OR7D2: variants seen among roughly 807,000 people sequenced by gnomAD.
OR7D2 encodes the protein olfactory receptor family 7 subfamily D member 2, also known as olfactory receptor 7D2.
For synonymous variants in OR7D2, 158 were observed against 158.7 expected (o/e 1.00, Z 0.03); for missense variants, 370 against 384.1 (o/e 0.96, Z 0.31).
Position 9,188,053 on chromosome 19 carries a change from G to T in OR7D2, c.*1333G>T. The T allele has an allele frequency of 6.1e-6, 1 of 163,906 alleles. No individual in the cohort carries two copies. 10.2% of individuals were successfully genotyped at this position (163,906 alleles called of 1,614,324 possible). ...TTCCTTTGGGTAGATACCCAGTAGT[G>T]GAACTGCTGGACTGAAAGGTAGTTC... On this transcript the variant is annotated 3_prime_UTR_variant, in exon 3 of 3. Transcript: ENST00000641288.
chr19:9,185,092 C>T (rs967236961), intron 2 of OR7D2, among the ~76,000 whole-genome samples: 6 of 152,008 alleles, frequency 3.9e-5, no homozygotes, highest in East Asian at 1.9e-4. Flanking sequence ...ATAGGATAAA[C>T]GAGTCTAGAG....
In OR7D2 at chr19:9,186,311, T is replaced by G. The variant is rs1455250842; in HGVS notation, c.530T>G (p.Phe177Cys). 1 of 1,614,008 alleles carries G rather than the reference T, an allele frequency of 6.2e-7. No homozygotes were observed. The highest frequency in any genetic ancestry group is 1.3e-5 in the African/African-American group (1 of 74,928). Residue 177 changes from phenylalanine (F) to cysteine (C), a missense_variant, in exon 3 of 3, where the codon TTT (phenylalanine) becomes TGT (cysteine). Transcript: ENST00000641288. ...TGTAAAGATTTTGAAATTCCACATT[T>G]TTTCTGCGAACTGACGTACATCCTC... ...IFCKDFEIPH[F>C]FCELTYILQL... is the part of the protein sequence containing the mutation.
At chr19:9,181,311 T>C (rs1370244420) in intron 2 of OR7D2, among the ~76,000 whole-genome samples, 1 of 150,984 alleles carries the variant, frequency 6.6e-6, no homozygotes, top group Non-Finnish European at 1.5e-5. Flanking sequence ...TTATATTTTA[T>C]TTTTTTATTT....
In OR7D2 at chr19:9,186,731, G is replaced by T; in HGVS notation, c.*11G>T. ...GCCTCTTGTTTGTGATGGATCCCTT[G>T]GCCCCAGGACTAAGAAGTTTTGTGA... On this transcript the variant is annotated 3_prime_UTR_variant, in exon 3 of 3. Coordinates refer to ENST00000641288, the MANE Select transcript of OR7D2 (RefSeq NM_175883.4). The T allele has an allele frequency of 6.4e-7, 1 of 1,568,232 alleles. No individual in the cohort carries two copies. The highest frequency in any genetic ancestry group is 8.6e-7 in the Non-Finnish European group (1 of 1,158,148).
At position 9,178,985 on chromosome 19, in the gene OR7D2, T is replaced by C. The variant is rs2050972204; in HGVS notation, c.-243T>C. 6.6e-6 allele frequency: 1 copy of C among 152,264 alleles called. No individual in the cohort carries two copies. The highest frequency in any genetic ancestry group is 2.1e-4 in the South Asian group (1 of 4,828). 9.4% of individuals were successfully genotyped at this position (152,264 alleles called of 1,614,324 possible). ...CCTGGACAGTTTCCTGACGCCACACTCATGCATCTTAGAGAGGAGAGTTAG... is the reference window on the plus strand; with the variant it reads ...CCTGGACAGTTTCCTGACGCCACACCCATGCATCTTAGAGAGGAGAGTTAG... On this transcript the variant is annotated 5_prime_UTR_variant, in exon 1 of 3. Transcript: ENST00000641288.
In OR7D2 at chr19:9,186,096, G is replaced by GT. The variant is rs771661883; in HGVS notation, c.321dup (p.Pro108SerfsTer14). 1.9e-6 allele frequency: 3 copies of GT among 1,614,044 alleles called. No homozygotes were observed. The Admixed American group carries it at 5.0e-5, about 27-fold the overall frequency. ...GCCTCACACAGGTCTATTTCTCCATGTTTTTTCCTATTCTGGACACGCTAC... is the reference window on the plus strand; with the variant it reads ...GCCTCACACAGGTCTATTTCTCCATGTTTTTTTCCTATTCTGGACACGCTAC... On this transcript the variant is annotated frameshift_variant, in exon 3 of 3. Transcript: ENST00000641288. LOFTEE classifies it low-confidence loss of function (END_TRUNC).
intron 2 of OR7D2, among the ~76,000 whole-genome samples, chr19:9,183,450 T>A (rs1335511807): frequency 6.6e-6 from 1 of 152,044 alleles, no homozygotes; most frequent in Non-Finnish European, 1.5e-5. Context: ...TAATTTGGTT[T>A]ATTTTTTTGT....
In OR7D2 at chr19:9,186,889, G is replaced by A. The variant is rs76235023; in HGVS notation, c.*169G>A. Reference sequence around the variant, plus strand: ...TAAGGGTGAAGTCTGAGCTTTTGGCGTACCAATTACCTGAATAGTGAACAT... The same window carrying A: ...TAAGGGTGAAGTCTGAGCTTTTGGCATACCAATTACCTGAATAGTGAACAT... On this transcript the variant is annotated 3_prime_UTR_variant, in exon 3 of 3. Coordinates refer to ENST00000641288, the MANE Select transcript of OR7D2 (RefSeq NM_175883.4). The A allele has an allele frequency of 1.5e-4, 82 of 544,772 alleles. No individual in the cohort carries two copies. In the South Asian group the frequency reaches 2.2e-3, roughly 15 times the overall value. 33.7% of individuals were successfully genotyped at this position (544,772 alleles called of 1,614,324 possible). A position where few individuals can be genotyped will look rare whatever the true frequency, so the allele number is the denominator to read the frequency against.
intron 2 of OR7D2, among the ~76,000 whole-genome samples, chr19:9,183,640 AACTAACTATTC>A (rs1362145907): frequency 1.3e-5 from 2 of 151,862 alleles, no homozygotes; most frequent in Admixed American, 1.3e-4. Context: ...GCTAACTATT[AACTAACTATTC>A]ACTATTATTA....
rs867979852 is a variant in OR7D2, at chr19:9,186,304, C to T, written c.523C>T (p.Pro175Ser). The change falls in exon 3 of 3, where the codon CCA becomes TCA. Residue 175 changes from proline to serine, a missense_variant. Transcript: ENST00000641288. ...HLIFCKDFEI[P>S]HFFCELTYIL... is the part of the protein sequence containing the mutation. ...AATCTTCTGTAAAGATTTTGAAATT[C>T]CACATTTTTTCTGCGAACTGACGTA... 1 of 1,614,064 alleles carries T rather than the reference C, an allele frequency of 6.2e-7. No homozygotes were observed. Among genetic ancestry groups the T allele is most frequent in the South Asian group, 1.1e-5 (1 of 91,076 alleles).
chr19:9,185,970 C>G lies in OR7D2; in HGVS notation c.189C>G (p.Leu63=). 1 of 1,614,184 alleles carries G rather than the reference C, an allele frequency of 6.2e-7. No individual in the cohort carries two copies. The highest frequency in any genetic ancestry group is 8.5e-7 in the Non-Finnish European group (1 of 1,180,022). The change falls in exon 3 of 3, where the codon CTC becomes CTG. Residue 63 remains leucine (L), a synonymous_variant. Coordinates refer to ENST00000641288, the MANE Select transcript of OR7D2 (RefSeq NM_175883.4). ...TCCACACCCCCATGTACTTCTTCCT[C>G]TCCAACCTGTCCTGGGTTGACATCT... ...SHLHTPMYFF[L]SNLSWVDICF... is the part of the protein sequence containing the mutation.
At chr19:9,185,325 A>C (rs1172623879) in intron 2 of OR7D2, among the ~76,000 whole-genome samples, 1 of 151,812 alleles carries the variant, frequency 6.6e-6, no homozygotes, top group Non-Finnish European at 1.5e-5. Context: ...TAATTTTTAA[A>C]TAATTAAATA....
chr19:9,183,955 C>CAAAAAAAAAAA (rs755935536), intron 2 of OR7D2, among the ~76,000 whole-genome samples: 3 of 19,494 alleles, frequency 1.5e-4, no homozygotes, highest in East Asian at 1.6e-3. Flanking sequence ...GACTCCGTCT[C>CAAAAAAAAAAA]AAAAAAAAAA....
In OR7D2 at chr19:9,185,953, C is replaced by T. The variant is rs773555540; in HGVS notation, c.172C>T (p.Pro58Ser). Residue 58 changes from proline (P) to serine (S), a missense_variant, in exon 3 of 3, where the codon CCC becomes TCC. Physicochemically the swap from Pro to Ser is moderately conservative, Grantham distance 74 (BLOSUM62 -1). Transcript: ENST00000641288. ...AISSDSHLHT[P>S]MYFFLSNLSW... ...CAGCTCTGACTCCCACCTCCACACC[C>T]CCATGTACTTCTTCCTCTCCAACCT... The T allele has an allele frequency of 6.8e-6, 11 of 1,614,160 alleles. No individual in the cohort carries two copies. In the South Asian group the frequency reaches 9.9e-5, roughly 14 times the overall value.
rs1271092343 is a variant in OR7D2, at chr19:9,188,025, T to C, written c.*1305T>C. 1.2e-5 allele frequency: 2 copies of C among 166,118 alleles called. No individual in the cohort carries two copies. Among genetic ancestry groups the C allele is most frequent in the African/African-American group, 4.8e-5 (2 of 41,442 alleles). The allele number at this position is 166,118 out of a possible 1,614,324, so 10.3% of individuals were successfully genotyped here. A position where few individuals can be genotyped will look rare whatever the true frequency, so the allele number is the denominator to read the frequency against. On this transcript the variant is annotated 3_prime_UTR_variant, in exon 3 of 3. Transcript: ENST00000641288. ...ATGTGTCTTTTTCACATAATGACTT[T>C]GTTTCCTTTGGGTAGATACCCAGTA... is the stretch of plus-strand genomic sequence containing the variant.
rs766453164 is a variant in OR7D2, at chr19:9,185,956, A to C, written c.175A>C (p.Met59Leu). The change falls in exon 3 of 3, where the codon ATG becomes CTG. Residue 59 changes from methionine to leucine, a missense_variant. Physicochemically the swap from Met to Leu is conservative, Grantham distance 15 (BLOSUM62 2). Coordinates refer to ENST00000641288, the MANE Select transcript of OR7D2 (RefSeq NM_175883.4). ...ISSDSHLHTP[M>L]YFFLSNLSWV... ...CTCTGACTCCCACCTCCACACCCCC[A>C]TGTACTTCTTCCTCTCCAACCTGTC... The C allele has an allele frequency of 2.5e-6, 4 of 1,613,918 alleles. No homozygotes were observed. The East Asian group carries it at 8.9e-5, about 36-fold the overall frequency.
rs1219867784 is a variant in OR7D2 at position 9,188,532 on chromosome 19, T to A, written c.*1812T>A. On this transcript the variant is annotated 3_prime_UTR_variant, in exon 3 of 3. Coordinates refer to ENST00000641288, the MANE Select transcript of OR7D2 (RefSeq NM_175883.4). ...AGTTAACAATTAATCTCCAAGTAAT[T>A]TCCTTGATGGCACTTCTGTCCTATG... The A allele has an allele frequency of 6.0e-6, 1 of 167,140 alleles. No homozygotes were observed. Among genetic ancestry groups the A allele is most frequent in the African/African-American group, 2.4e-5 (1 of 41,464 alleles). 10.4% of individuals were successfully genotyped at this position (167,140 alleles called of 1,614,324 possible). A position where few individuals can be genotyped will look rare whatever the true frequency, so the allele number is the denominator to read the frequency against.
At chr19:9,183,497 T>G (rs376939738) in intron 2 of OR7D2, among the ~76,000 whole-genome samples, 46 of 152,066 alleles carry the variant, frequency 3.0e-4, no homozygotes, top group African/African-American at 1.1e-3. Context: ...GGGCTGGTCT[T>G]GAACTCCTGG....
Position 9,186,763 on chromosome 19 carries a change from A to G in OR7D2, c.*43A>G. 1 of 1,282,802 alleles carries G rather than the reference A, an allele frequency of 7.8e-7. No individual in the cohort carries two copies. The highest frequency in any genetic ancestry group is 1.1e-6 in the Non-Finnish European group (1 of 923,814). 79.5% of individuals were successfully genotyped at this position (1,282,802 alleles called of 1,614,324 possible). ...GGACTAAGAAGTTTTGTGAGCACCA[A>G]TGGCAAAAATGTTTTATTTTGAAAT... On this transcript the variant is annotated 3_prime_UTR_variant, in exon 3 of 3. Coordinates refer to ENST00000641288, the MANE Select transcript of OR7D2 (RefSeq NM_175883.4).
Sources: allele counts gnomAD v4.1 joint callset (sites outside exome capture counted in the v4.1 genomes callset), GRCh38; gene constraint gnomAD v4.1.1; transcripts MANE v1.5; gene names NCBI Gene and HGNC (gene_info 2026-07-23, HGNC 2026-07-21).